PCBP2: variants seen among roughly 807,000 people sequenced by gnomAD.
PCBP2 encodes the protein poly(rC) binding protein 2, also known as poly(rC)-binding protein 2.
A neutral mutation model predicts 50.1 loss-of-function variants in PCBP2; 4 were observed. The observed-to-expected ratio is 0.08, with a 90% CI of 0.04 to 0.18. The LOEUF is 0.18. Ranked by LOEUF, PCBP2 falls within the 10% of genes least tolerant of loss-of-function variation. The pLI, the probability that PCBP2 is intolerant of heterozygous loss-of-function variation, is 1.00. For missense variants in PCBP2, 161 were observed against 474.3 expected (o/e 0.34, Z 6.14); for synonymous variants, 179 against 168.0 (o/e 1.07, Z -0.51).
chr12:53,474,154 C>G (rs1319461210), intron 14 of PCBP2, among the ~76,000 whole-genome samples: 1 of 152,164 alleles, frequency 6.6e-6, no homozygotes, highest in Non-Finnish European at 1.5e-5. Flanking sequence ...TTGAGTTTCT[C>G]TTTTCCACTT....
intron 13 of PCBP2, among the ~76,000 whole-genome samples, chr12:53,471,300 C>A (rs1433282762): frequency 1.3e-5 from 2 of 149,450 alleles, no homozygotes; most frequent in Non-Finnish European, 3.0e-5. Flanking sequence ...TTTTAAAGGG[C>A]CAGGTTCGGT....
At position 53,467,644 on chromosome 12, in the gene PCBP2, G is replaced by C. The variant is rs1941912547; in HGVS notation, c.788-161G>C. On this transcript the variant is annotated intron_variant, in intron 11 of 14. Coordinates refer to ENST00000546463, the MANE Select transcript of PCBP2 (RefSeq NM_031989.5). ...CTCTCCACCAGCAATTCACAGGCTT[G>C]GGTAGAGACCATCCATTTGTGCCAA... 7.4e-6 allele frequency: 5 copies of C among 680,254 alleles called. No homozygotes were observed. In the South Asian group the frequency reaches 9.0e-5, roughly 12 times the overall value. 42.1% of individuals were successfully genotyped at this position (680,254 alleles called of 1,614,324 possible).
chr12:53,459,326 C>T lies in PCBP2; in HGVS notation c.298C>T (p.Leu100=). Residue 100 remains leucine, a synonymous_variant, in exon 6 of 15, where the codon CTG becomes TTG. Transcript: ENST00000546463. ...AGCTGCCAGTAGACCCCCGGTCACCCTGAGGCTGGTGGTCCCTGCTAGTCA... is the reference window on the plus strand; with the variant it reads ...AGCTGCCAGTAGACCCCCGGTCACCTTGAGGCTGGTGGTCCCTGCTAGTCA... ...STAASRPPVT[L]RLVVPASQCG... is the part of the protein sequence containing the mutation. 6.2e-7 allele frequency: 1 copy of T among 1,613,516 alleles called. No homozygotes were observed. The highest frequency in any genetic ancestry group is 8.5e-7 in the Non-Finnish European group (1 of 1,179,560).
intron 5 of PCBP2, among the ~76,000 whole-genome samples, chr12:53,458,718 C>CA (rs1226593386): frequency 1.3e-5 from 2 of 151,628 alleles, no homozygotes; most frequent in Non-Finnish European, 2.9e-5. Flanking sequence ...TGGCTCACTG[C>CA]AACTTTGCCT....
chr12:53,459,470 T>C, intron 6 of PCBP2, 67 bp downstream of exon 6: 8 of 1,428,874 alleles, frequency 5.6e-6, no homozygotes, highest in Non-Finnish European at 7.7e-6. Context: ...TTTGTATGGC[T>C]AGGAAAAGTT....
At chr12:53,457,055 C>CT (rs1239227807) in intron 5 of PCBP2, among the ~76,000 whole-genome samples, 4 of 150,362 alleles carry the variant, frequency 2.7e-5, no homozygotes, top group Admixed American at 6.7e-5. Flanking sequence ...TAGTATTTAA[C>CT]TTTTTTTTTT....
intron 8 of PCBP2, among the ~76,000 whole-genome samples, chr12:53,463,445 A>G (rs1019401118): frequency 3.3e-5 from 5 of 152,228 alleles, no homozygotes; most frequent in Non-Finnish European, 7.3e-5. Context: ...GGGTGGTTGT[A>G]TCTGTACTGA....
chr12:53,460,596 T>C, intron 6 of PCBP2: 1 of 209,680 alleles, frequency 4.8e-6, no homozygotes. Flanking sequence ...AGATCTTAAT[T>C]TTGTTAATTG....
chr12:53,465,000 C>A, intron 9 of PCBP2, 148 bp downstream of exon 9: 1 of 993,054 alleles, frequency 1.0e-6, no homozygotes, highest in Non-Finnish European at 1.3e-6. Flanking sequence ...CCCCCAACCT[C>A]ATTTCACCCA....
At chr12:53,478,506 AT>A (rs1200893375) in intron 14 of PCBP2, among the ~76,000 whole-genome samples, 2 of 151,522 alleles carry the variant, frequency 1.3e-5, no homozygotes, top group African/African-American at 4.9e-5. Context: ...TCTCAAAAAA[AT>A]AAATAAATAA....
In PCBP2 at chr12:53,479,730, T is replaced by TTAA; in HGVS notation, c.*291_*293dup. On this transcript the variant is annotated 3_prime_UTR_variant, in exon 15 of 15. Transcript: ENST00000546463. Reference sequence around the variant, plus strand: ...GTCATGGAAATGTAAGAGTGGAATATTAATACATTTCAGTTTAGTTCTGTA... The same window carrying TTAA: ...GTCATGGAAATGTAAGAGTGGAATATTAATAATACATTTCAGTTTAGTTCTGTA... 1 of 251,144 alleles carries TTAA rather than the reference T, an allele frequency of 4.0e-6. No individual in the cohort carries two copies. 15.6% of individuals were successfully genotyped at this position (251,144 alleles called of 1,614,324 possible).
chr12:53,466,597 G>C (rs1941842742), intron 10 of PCBP2, among the ~76,000 whole-genome samples: 1 of 152,084 alleles, frequency 6.6e-6, no homozygotes, highest in Non-Finnish European at 1.5e-5. Flanking sequence ...TATTAGACTT[G>C]GGAAGTTGAG....
chr12:53,459,211 C>T, intron 5 of PCBP2, 61 bp from the exon 6 acceptor site: 1 of 1,483,740 alleles, frequency 6.7e-7, no homozygotes. Context: ...GTAAGTGGTT[C>T]TTTAATGGCA....
chr12:53,468,505 C>T (rs1439232361), intron 12 of PCBP2: 15 of 484,326 alleles, frequency 3.1e-5, no homozygotes, highest in Admixed American at 3.8e-5. Flanking sequence ...CACTCCCTTG[C>T]CCTTGCTTCC....
chr12:53,460,623 TCTC>T (rs1941386866), intron 6 of PCBP2: 1 of 224,064 alleles, frequency 4.5e-6, no homozygotes. Context: ...TCGAAGCACT[TCTC>T]ATGGTACCTG....
At chr12:53,456,266 A>C (rs1941001191) in intron 5 of PCBP2, among the ~76,000 whole-genome samples, 1 of 151,976 alleles carries the variant, frequency 6.6e-6, no homozygotes, top group African/African-American at 2.4e-5. Context: ...CAGGAGTTCG[A>C]GACCAACATA....
intron 7 of PCBP2, 102 bp from the exon 8 acceptor site, chr12:53,462,391 T>C: frequency 1.2e-6 from 1 of 835,890 alleles, no homozygotes; most frequent in South Asian, 1.8e-5. Flanking sequence ...GGGATGGAAA[T>C]AGTTTTTAAT....
intron 5 of PCBP2, among the ~76,000 whole-genome samples, chr12:53,457,731 C>G (rs1317396689): frequency 6.6e-6 from 1 of 152,102 alleles, no homozygotes; most frequent in African/African-American, 2.4e-5. Context: ...ATGTCCTTGT[C>G]TTTAGGGGTC....
chr12:53,470,892 T>C (rs957000365), intron 13 of PCBP2, among the ~76,000 whole-genome samples: 1 of 152,120 alleles, frequency 6.6e-6, no homozygotes, highest in African/African-American at 2.4e-5. Flanking sequence ...CAGAATGTAT[T>C]TCTACCTTTA....
Sources: gnomAD v4.1 joint callset for allele counts (sites outside exome capture counted in the v4.1 genomes callset) on GRCh38, gnomAD v4.1.1 for gene constraint, MANE v1.5 for transcripts, NCBI Gene and HGNC (gene_info 2026-07-23, HGNC 2026-07-21) for gene names.